KIRREL3: variants seen among roughly 807,000 people sequenced by gnomAD.
The protein encoded by KIRREL3 is kirre like nephrin family adhesion molecule 3.
A neutral mutation model predicts 89.7 loss-of-function variants in KIRREL3; 36 were observed. The observed-to-expected ratio is 0.40, with a 90% CI of 0.31 to 0.53. KIRREL3 has a LOEUF of 0.53. Ranked by LOEUF, KIRREL3 falls within the 20% of genes least tolerant of loss-of-function variation. KIRREL3 has a pLI of 0.49. For missense variants in KIRREL3, 864 were observed against 1,056.6 expected (o/e 0.82, Z 2.53); for synonymous variants, 445 against 441.4 (o/e 1.01, Z -0.10).
chr11:126,526,645 A>C lies in KIRREL3; in HGVS notation c.176T>G (p.Val59Gly). 4.4e-6 allele frequency: 7 copies of C among 1,584,036 alleles called. No homozygotes were observed. Among genetic ancestry groups the C allele is most frequent in the Non-Finnish European group, 6.0e-6 (7 of 1,165,134 alleles). Residue 59 changes from valine (V) to glycine (G), a missense_variant, in exon 3 of 17, where the codon GTG becomes GGG. Val to Gly is a moderately radical substitution (Grantham distance 109). Coordinates refer to ENST00000525144, the MANE Select transcript of KIRREL3 (RefSeq NM_032531.4). The surrounding 1 kb of genome is among the most constrained non-coding windows in gnomAD (Gnocchi z 5.7). Reference protein sequence around the residue: ...SFSQQPQDQVVVSGQPVTLLC... With the variant: ...SFSQQPQDQVGVSGQPVTLLC... ...TAGCGTCACTGGCTGTCCCGACACC[A>C]CCACCTGGTCCTGGGGCTGCTGGCT...
intron 1 of KIRREL3, among the ~76,000 whole-genome samples, chr11:126,727,611 C>G (rs995383814): frequency 3.9e-5 from 6 of 152,180 alleles, no homozygotes; most frequent in African/African-American, 1.4e-4. Flanking sequence ...TCGGGGGGGT[C>G]TGGCCCTCCC....
At chr11:126,938,047 C>T (rs1299306747) in intron 1 of KIRREL3, among the ~76,000 whole-genome samples, 1 of 152,214 alleles carries the variant, frequency 6.6e-6, no homozygotes, top group Non-Finnish European at 1.5e-5. Flanking sequence ...GGCAGCATCT[C>T]CCTAGAAGCC....
chr11:126,803,591 G>A (rs1692998999), intron 1 of KIRREL3, among the ~76,000 whole-genome samples: 1 of 152,118 alleles, frequency 6.6e-6, no homozygotes, highest in South Asian at 2.1e-4. Flanking sequence ...TTTGGCTACT[G>A]TAGAATCAGA....
chr11:126,506,918 C>T (rs1374118604), intron 4 of KIRREL3, among the ~76,000 whole-genome samples: 1 of 152,146 alleles, frequency 6.6e-6, no homozygotes, highest in East Asian at 1.9e-4. Context: ...AACCACCACA[C>T]CTGGCCAGCA....
chr11:126,762,925 T>C (rs1489995963), intron 1 of KIRREL3, among the ~76,000 whole-genome samples: 1 of 152,148 alleles, frequency 6.6e-6, no homozygotes, highest in Admixed American at 6.5e-5. Context: ...CAACTCACGA[T>C]TGACCCCAAA....
rs1039798517 is a variant in KIRREL3 at position 126,497,176 on chromosome 11, G to C, written c.434-23710C>G. Among the ~76,000 whole-genome samples, 3 of 134,544 alleles carry C rather than the reference G, an allele frequency of 2.2e-5. No individual in the cohort carries two copies. The Admixed American group carries it at 2.4e-4, about 11-fold the overall frequency. The allele number at this position is 134,544 out of a possible 152,430, so 88.3% of individuals were successfully genotyped here. The stretch of plus-strand genomic sequence containing the variant: ...AGTGTGAGAGTGTGCATGTGTAAGA[G>C]AGTGTGTGAGAGTGTGAGTGTGTGT... On this transcript the variant is annotated intron_variant, in intron 4 of 16. Transcript: ENST00000525144.
intron 1 of KIRREL3, chr11:126,920,590 T>C (rs1947230132): frequency 6.6e-6 from 1 of 152,204 alleles, no homozygotes; most frequent in South Asian, 2.1e-4. Flanking sequence ...AGCATCCTAT[T>C]TTTCCTGATC....
intron 1 of KIRREL3, among the ~76,000 whole-genome samples, chr11:126,592,199 T>A (rs188307768): frequency 4.6e-5 from 7 of 152,310 alleles, no homozygotes; most frequent in African/African-American, 1.4e-4. Context: ...ACAGTTATTG[T>A]CGTAATCCTT....
rs1244846278 is a variant in KIRREL3 at position 126,959,775 on chromosome 11, G to T, written c.55+40680C>A. Among the ~76,000 whole-genome samples, 4 of 147,508 alleles carry T rather than the reference G, an allele frequency of 2.7e-5. No homozygotes were observed. In the East Asian group the frequency reaches 8.1e-4, roughly 30 times the overall value. ...CTTTCACTCATTACCCAACCTGGGGGCCACCTCTTCTACACTCTCTGAATC... is the reference window on the plus strand; with the variant it reads ...CTTTCACTCATTACCCAACCTGGGGTCCACCTCTTCTACACTCTCTGAATC... On this transcript the variant is annotated intron_variant, in intron 1 of 16. Transcript: ENST00000525144.
At chr11:126,494,201 A>G (rs141649826) in intron 4 of KIRREL3, among the ~76,000 whole-genome samples, 156 of 152,360 alleles carry the variant, frequency 1.0e-3, no homozygotes, top group African/African-American at 3.3e-3. Flanking sequence ...AAAATGAGAT[A>G]AGCAAAGAAG....
At position 126,719,876 on chromosome 11, in the gene KIRREL3, G is replaced by A. The variant is rs1256962622; in HGVS notation, c.56-156964C>T. Among the ~76,000 whole-genome samples the A allele has an allele frequency of 5.3e-5, 8 of 152,264 alleles. 1 individual carries two copies. In the South Asian group the frequency reaches 1.7e-3, roughly 32 times the overall value. ...GCTTCAGCCTCTTCTTAACCCAGTG[G>A]CCACAGCCATCCTTACGCAATGTAG... On this transcript the variant is annotated intron_variant, in intron 1 of 16. Coordinates refer to ENST00000525144, the MANE Select transcript of KIRREL3 (RefSeq NM_032531.4). This position sits in a 1 kb window ranked among gnomAD's most constrained non-coding sequence, Gnocchi z 4.7.
In KIRREL3 at chr11:126,562,971, G is replaced by A. The variant is rs533671663; in HGVS notation, c.56-59C>T. On this transcript the variant is annotated intron_variant, in intron 1 of 16. Coordinates refer to ENST00000525144, the MANE Select transcript of KIRREL3 (RefSeq NM_032531.4). The surrounding 1 kb of genome is among the most constrained non-coding windows in gnomAD (Gnocchi z 4.7). ...TGGGAACAGGTCAGGCATTGTTGGG[G>A]GGCCCTCTGCAGGGGGCTGTGGAGC... 7.4e-7 allele frequency: 1 copy of A among 1,349,030 alleles called. No homozygotes were observed. The highest frequency in any genetic ancestry group is 1.4e-5 in the African/African-American group (1 of 69,726). The allele number at this position is 1,349,030 out of a possible 1,614,324, so 83.6% of individuals were successfully genotyped here.
chr11:126,858,416 G>A (rs1024855771), intron 1 of KIRREL3, among the ~76,000 whole-genome samples: 4 of 152,188 alleles, frequency 2.6e-5, no homozygotes, highest in African/African-American at 9.7e-5. Context: ...GGATGATGTG[G>A]CAGGGTGCAT....
In KIRREL3 at chr11:126,954,092, G is replaced by A. The variant is rs1948851964; in HGVS notation, c.55+46363C>T. ...CTAATTCTCCCCAGGGTCGGTCTGT[G>A]AGCGCCTCTAATACCCTATGTGGTT... On this transcript the variant is annotated intron_variant, in intron 1 of 16. Transcript: ENST00000525144. The surrounding 1 kb of genome is among the most constrained non-coding windows in gnomAD (Gnocchi z 4.1). 6.6e-6 allele frequency among the ~76,000 whole-genome samples: 1 copy of A among 151,964 alleles called. No homozygotes were observed. The highest frequency in any genetic ancestry group is 1.5e-5 in the Non-Finnish European group (1 of 68,006).
Position 126,987,819 on chromosome 11 carries a change from G to C in KIRREL3, c.55+12636C>G, listed in dbSNP as rs368448086. 7.0e-4 allele frequency among the ~76,000 whole-genome samples: 107 copies of C among 152,282 alleles called. No homozygotes were observed. The highest frequency in any genetic ancestry group is 2.5e-3 in the African/African-American group (103 of 41,556). ...TTCATGTTTTGCTAGTTTATCATAA[G>C]TGTCTATCTTAAACCAATATTACAA... is the stretch of plus-strand genomic sequence containing the variant. On this transcript the variant is annotated intron_variant, in intron 1 of 16. Transcript: ENST00000525144. This position sits in a 1 kb window ranked among gnomAD's most constrained non-coding sequence, Gnocchi z 4.6.
In KIRREL3 at chr11:126,677,587, C is replaced by T. The variant is rs184783701; in HGVS notation, c.56-114675G>A. Among the ~76,000 whole-genome samples, 48 of 152,284 alleles carry T rather than the reference C, an allele frequency of 3.2e-4. No individual in the cohort carries two copies. The highest frequency in any genetic ancestry group is 2.3e-3 in the Admixed American group (35 of 15,292). On this transcript the variant is annotated intron_variant, in intron 1 of 16. Transcript: ENST00000525144. This position sits in a 1 kb window ranked among gnomAD's most constrained non-coding sequence, Gnocchi z 5.1. ...TGGAAGCACGCTGAACAGGGAGGGG[C>T]ACCCAGCTCTGTCTGGCTGCATTCG... is the stretch of plus-strand genomic sequence containing the variant.
At chr11:126,585,373 A>G (rs535765913) in intron 1 of KIRREL3, among the ~76,000 whole-genome samples, 1 of 151,398 alleles carries the variant, frequency 6.6e-6, no homozygotes, top group Non-Finnish European at 1.5e-5. Flanking sequence ...AGCTGGGATT[A>G]CTGGCACTCA....
intron 1 of KIRREL3, among the ~76,000 whole-genome samples, chr11:126,738,337 T>C (rs1402436971): frequency 1.3e-5 from 2 of 152,140 alleles, no homozygotes; most frequent in Non-Finnish European, 2.9e-5. Context: ...GTGAGCGCTC[T>C]CTTGCTTCCT....
rs1317025085 is a variant in KIRREL3, at chr11:126,704,869, C to T, written c.56-141957G>A. On this transcript the variant is annotated intron_variant, in intron 1 of 16. Transcript: ENST00000525144. The surrounding 1 kb of genome is among the most constrained non-coding windows in gnomAD (Gnocchi z 4.2). ...TCAATAGGCCATCACCCAAGGGAAG[C>T]AGTATTCTCCTCCTGCGACCATGCC... 6.6e-6 allele frequency among the ~76,000 whole-genome samples: 1 copy of T among 152,164 alleles called. No homozygotes were observed. The highest frequency in any genetic ancestry group is 1.5e-5 in the Non-Finnish European group (1 of 68,034).
Sources: allele counts gnomAD v4.1 joint callset (sites outside exome capture counted in the v4.1 genomes callset), GRCh38; gene constraint gnomAD v4.1.1; non-coding constraint Gnocchi (gnomAD v3.1); transcripts MANE v1.5; gene names NCBI Gene and HGNC (gene_info 2026-07-23, HGNC 2026-07-21).